The following GRHL1 variants were observed in gnomAD, a reference collection of about 807,000 sequenced individuals.
GRHL1 encodes the protein grainyhead like transcription factor 1.
A neutral mutation model predicts 75.7 loss-of-function variants in GRHL1; 38 were observed. The observed-to-expected ratio is 0.50, with a 90% CI of 0.39 to 0.66. GRHL1 has a LOEUF of 0.66. GRHL1 is among the 30% of genes least tolerant of loss of function. The pLI, the probability that GRHL1 is intolerant of heterozygous loss-of-function variation, is 0.00. For synonymous variants in GRHL1, 266 were observed against 279.4 expected, an observed-to-expected ratio of 0.95 and a Z score of 0.48; for missense variants, 589 against 767.5, an observed-to-expected ratio of 0.77 and a Z score of 2.75.
intron 1 of GRHL1, 30 bp from the exon 2 acceptor site, chr2:9,954,885 G>A (rs770914201): frequency 1.9e-6 from 3 of 1,579,174 alleles, no homozygotes; most frequent in African/African-American, 1.4e-5. Flanking sequence ...AAAAGTGTGT[G>A]TTTTTGTTTT....
chr2:9,993,601 G>GC (rs1668734323), intron 12 of GRHL1, among the ~76,000 whole-genome samples: 1 of 152,150 alleles, frequency 6.6e-6, no homozygotes, highest in Non-Finnish European at 1.5e-5. Context: ...AAATATTTTT[G>GC]AAGATTACAA....
intron 15 of GRHL1, among the ~76,000 whole-genome samples, chr2:10,000,055 C>T (rs1170681688): frequency 6.6e-6 from 1 of 152,208 alleles, no homozygotes; most frequent in Non-Finnish European, 1.5e-5. Context: ...GCAATCAGAG[C>T]TCACTGTAGC....
At chr2:9,983,896 C>T (rs1424151161) in intron 8 of GRHL1, among the ~76,000 whole-genome samples, 2 of 151,518 alleles carry the variant, frequency 1.3e-5, no homozygotes, top group Non-Finnish European at 2.9e-5. Context: ...GTGACTCACA[C>T]CTGTAATCTG....
At chr2:9,979,190 T>A (rs2125229006) in intron 8 of GRHL1, among the ~76,000 whole-genome samples, 2 of 125,934 alleles carry the variant, frequency 1.6e-5, no homozygotes, top group African/African-American at 2.9e-5. Context: ...CAAACTGTCA[T>A]AAAGTTGCTT....
intron 14 of GRHL1, among the ~76,000 whole-genome samples, chr2:9,998,327 G>A (rs531159608): frequency 1.3e-5 from 2 of 151,276 alleles, no homozygotes; most frequent in African/African-American, 2.4e-5. Context: ...AGGGGCAGCC[G>A]GGCTGAGGAG....
At chr2:9,996,217 T>C in intron 13 of GRHL1, 99 bp from the exon 14 acceptor site, 1 of 854,998 alleles carries the variant, frequency 1.2e-6, no homozygotes, top group South Asian at 1.4e-5. Context: ...GTTTTTATTT[T>C]AGCTGGTACC....
chr2:9,951,832 C>G lies in GRHL1; in HGVS notation c.-2C>G, dbSNP rs1463310886. 1.3e-6 allele frequency: 2 copies of G among 1,523,584 alleles called. No homozygotes were observed. The highest frequency in any genetic ancestry group is 2.4e-5 in the South Asian group (2 of 84,174). 94.4% of individuals were successfully genotyped at this position (1,523,584 alleles called of 1,614,324 possible). On this transcript the variant is annotated 5_prime_UTR_variant, in exon 1 of 16. Transcript: ENST00000324907. The surrounding 1 kb of genome is among the most constrained non-coding windows in gnomAD (Gnocchi z 4.2). ...GCGGCCCGGCAGCGGCGAGCGGGCGCGATGACACAGGAGTACGACAAGTGA... is the reference window on the plus strand; with the variant it reads ...GCGGCCCGGCAGCGGCGAGCGGGCGGGATGACACAGGAGTACGACAAGTGA...
rs1482866201 is a variant in GRHL1, at chr2:9,951,743, AGCC to A, written c.-78_-76del. ...GTCGGGGCCGCCGCTCCGGACCCGC[AGCC>A]GCCGCCGCCGCCTCCTCCCCCCGGA... On this transcript the variant is annotated 5_prime_UTR_variant, in exon 1 of 16. Coordinates refer to ENST00000324907, the MANE Select transcript of GRHL1 (RefSeq NM_198182.3). This position sits in a 1 kb window ranked among gnomAD's most constrained non-coding sequence, Gnocchi z 4.2. 4.1e-4 allele frequency: 503 copies of A among 1,228,974 alleles called. No homozygotes were observed. The highest frequency in any genetic ancestry group is 8.0e-4 in the Middle Eastern group (4 of 4,996). 76.1% of individuals were successfully genotyped at this position (1,228,974 alleles called of 1,614,324 possible).
At chr2:9,994,139 T>A (rs184370907) in intron 12 of GRHL1, among the ~76,000 whole-genome samples, 160 of 152,192 alleles carry the variant, frequency 1.1e-3, no homozygotes, top group African/African-American at 3.7e-3. Flanking sequence ...AGATTCTTTT[T>A]GTTTTTATTT....
intron 8 of GRHL1, among the ~76,000 whole-genome samples, chr2:9,977,930 G>A (rs915503732): frequency 2.0e-5 from 3 of 152,152 alleles, no homozygotes; most frequent in Non-Finnish European, 4.4e-5. Context: ...CATGTGGCTG[G>A]GGAGGCCTCA....
intron 2 of GRHL1, among the ~76,000 whole-genome samples, chr2:9,957,943 A>G (rs1275424859): frequency 1.3e-5 from 2 of 152,252 alleles, no homozygotes; most frequent in Non-Finnish European, 2.9e-5. Flanking sequence ...TGATGGACGT[A>G]TGAATCCCAG....
intron 15 of GRHL1, 24 bp from the exon 16 acceptor site, chr2:10,000,569 T>C: frequency 1.4e-6 from 2 of 1,411,866 alleles, no homozygotes; most frequent in Non-Finnish European, 2.0e-6. Flanking sequence ...GTGAAGTTGG[T>C]TGGTCTTGTC....
chr2:9,982,908 T>C (rs1287488586), intron 8 of GRHL1, among the ~76,000 whole-genome samples: 1 of 152,238 alleles, frequency 6.6e-6, no homozygotes, highest in African/African-American at 2.4e-5. Flanking sequence ...TATATAATCA[T>C]AGACGTCCAG....
Position 9,987,199 on chromosome 2 carries a change from C to A in GRHL1, c.1269+917C>A. 6.6e-6 allele frequency among the ~76,000 whole-genome samples: 1 copy of A among 152,188 alleles called. No homozygotes were observed. Among genetic ancestry groups the A allele is most frequent in the African/African-American group, 2.4e-5 (1 of 41,448 alleles). ...GGTTGGCCAGGCTGGTCTTGAATTC[C>A]TGGCCTCATGTGATGCGCCCACTTT... On this transcript the variant is annotated intron_variant, in intron 9 of 15. Coordinates refer to ENST00000324907, the MANE Select transcript of GRHL1 (RefSeq NM_198182.3). This position sits in a 1 kb window ranked among gnomAD's most constrained non-coding sequence, Gnocchi z 4.2.
chr2:9,955,921 CA>C (rs780688230), intron 2 of GRHL1, among the ~76,000 whole-genome samples: 1 of 152,230 alleles, frequency 6.6e-6, no homozygotes, highest in Non-Finnish European at 1.5e-5. Context: ...CTACTTAAAA[CA>C]GCAGACTGAG....
At chr2:9,989,891 A>G (rs1175340259) in intron 9 of GRHL1, among the ~76,000 whole-genome samples, 1 of 152,040 alleles carries the variant, frequency 6.6e-6, no homozygotes, top group East Asian at 1.9e-4. Context: ...TTCTAGTTCC[A>G]TCTTCACTTT....
chr2:9,961,975 T>C (rs991405120), intron 4 of GRHL1, among the ~76,000 whole-genome samples: 1 of 152,162 alleles, frequency 6.6e-6, no homozygotes. Context: ...AAACCATACT[T>C]AGTGACTTGG....
intron 2 of GRHL1, among the ~76,000 whole-genome samples, chr2:9,955,730 G>T (rs544557122): frequency 1.3e-5 from 2 of 152,190 alleles, no homozygotes; most frequent in African/African-American, 4.8e-5. Flanking sequence ...ACCAGCCTGC[G>T]TGCGACTTCT....
chr2:9,956,991 T>A (rs1667055437), intron 2 of GRHL1, among the ~76,000 whole-genome samples: 1 of 138,112 alleles, frequency 7.2e-6, no homozygotes, highest in Non-Finnish European at 1.5e-5. Context: ...TATTTTCTTC[T>A]TCTTCTTCTT....
Sources: allele counts gnomAD v4.1 joint callset (sites outside exome capture counted in the v4.1 genomes callset), GRCh38; gene constraint gnomAD v4.1.1; non-coding constraint Gnocchi (gnomAD v3.1); transcripts MANE v1.5; gene names NCBI Gene and HGNC (gene_info 2026-07-23, HGNC 2026-07-21).